The following PITPNA variants were observed in gnomAD, a reference collection of about 807,000 sequenced individuals.
PITPNA encodes the protein phosphatidylinositol transfer protein alpha, also known as phosphatidylinositol transfer protein alpha isoform.
PITPNA carries 13 observed loss-of-function variants against 50.3 expected under a neutral mutation model. The ratio of observed to expected loss-of-function variants is 0.26; its 90% CI spans 0.17 to 0.41. The LOEUF (loss-of-function observed/expected upper bound fraction) is 0.41. PITPNA is among the 10% of genes least tolerant of loss of function. PITPNA has a pLI of 1.00. For missense variants in PITPNA, 207 were observed against 333.4 expected (o/e 0.62, Z 2.95); for synonymous variants, 120 against 119.6 (o/e 1.00, Z -0.02).
chr17:1,546,381 A>T (rs994645912), intron 4 of PITPNA, among the ~76,000 whole-genome samples: 1 of 152,148 alleles, frequency 6.6e-6, no homozygotes, highest in Non-Finnish European at 1.5e-5. Context: ...AAATCTCCTG[A>T]TACAAGGTCC....
intron 1 of PITPNA, among the ~76,000 whole-genome samples, chr17:1,558,780 GC>G (rs1231466696): frequency 0.36 from 10,211 of 28,574 alleles, 1,028 homozygotes; most frequent in Non-Finnish European, 0.39. Context: ...CCCCCCCCCC[GC>G]CCCCCCCCCC....
chr17:1,557,372 G>A (rs1278867129), intron 2 of PITPNA, among the ~76,000 whole-genome samples: 1 of 152,208 alleles, frequency 6.6e-6, no homozygotes, highest in African/African-American at 2.4e-5. Flanking sequence ...AGTTCATATT[G>A]GGAACAGAGT....
intron 5 of PITPNA, 87 bp downstream of exon 5, chr17:1,542,933 A>G: frequency 9.9e-7 from 1 of 1,013,112 alleles, no homozygotes; most frequent in Non-Finnish European, 1.5e-6. Flanking sequence ...AAGGGAAAGA[A>G]CACCCAAGAC....
chr17:1,549,020 G>A (rs905661921), intron 3 of PITPNA, among the ~76,000 whole-genome samples: 3 of 152,136 alleles, frequency 2.0e-5, no homozygotes, highest in African/African-American at 4.8e-5. Context: ...CGATTCTCCC[G>A]CCTCAGCCTC....
chr17:1,548,552 C>T (rs1343303048), intron 3 of PITPNA, among the ~76,000 whole-genome samples, 165 bp from the exon 4 acceptor site: 1 of 152,116 alleles, frequency 6.6e-6, no homozygotes, highest in African/African-American at 2.4e-5. Flanking sequence ...TGACACCCCA[C>T]CTTGGCTGGC....
At chr17:1,539,565 G>A (rs558144466) in intron 6 of PITPNA, among the ~76,000 whole-genome samples, 17 of 149,902 alleles carry the variant, frequency 1.1e-4, no homozygotes, top group African/African-American at 2.7e-4. Flanking sequence ...TGATCCTCCC[G>A]TCTCAGCCTC....
Position 1,562,360 on chromosome 17 carries a change from G to T in PITPNA, c.20+181C>A, listed in dbSNP as rs989570232. Among the ~76,000 whole-genome samples, 6 of 149,154 alleles carry T rather than the reference G, an allele frequency of 4.0e-5. No individual in the cohort carries two copies. Among genetic ancestry groups the T allele is most frequent in the Admixed American group, 2.0e-4 (3 of 15,034 alleles). ...CCGGCCGCCCCTCCGTGCCCCGTGG[G>T]CCCCGCCTCACGTGCCGCCCGCCCC... is the stretch of plus-strand genomic sequence containing the variant. On this transcript the variant is annotated intron_variant, in intron 1 of 11. Coordinates refer to ENST00000313486, the MANE Select transcript of PITPNA (RefSeq NM_006224.4). This position sits in a 1 kb window ranked among gnomAD's most constrained non-coding sequence, Gnocchi z 6.4.
intron 3 of PITPNA, among the ~76,000 whole-genome samples, chr17:1,552,290 G>A (rs376346768): frequency 6.6e-5 from 10 of 152,334 alleles, no homozygotes; most frequent in African/African-American, 2.4e-4. Flanking sequence ...ACCTTTACCA[G>A]TTCTGGATAG....
At chr17:1,521,717 C>CAT in intron 10 of PITPNA, 72 bp from the exon 11 acceptor site, 1 of 1,288,216 alleles carries the variant, frequency 7.8e-7, no homozygotes, top group Non-Finnish European at 1.1e-6. Flanking sequence ...CAGTCCTGCC[C>CAT]ATAGGTGGGG....
At chr17:1,533,182 G>T (rs1374099091) in intron 10 of PITPNA, among the ~76,000 whole-genome samples, 1 of 152,240 alleles carries the variant, frequency 6.6e-6, no homozygotes, top group African/African-American at 2.4e-5. Context: ...ATGAAACAGA[G>T]CTTCCTGCCT....
intron 4 of PITPNA, among the ~76,000 whole-genome samples, chr17:1,544,279 CT>C (rs2075662217): frequency 6.6e-6 from 1 of 152,242 alleles, no homozygotes; most frequent in South Asian, 2.1e-4. Flanking sequence ...AAAGAATGCC[CT>C]GATCATCGAA....
chr17:1,538,391 T>G (rs1043352169), intron 7 of PITPNA: 4 of 155,962 alleles, frequency 2.6e-5, no homozygotes, highest in African/African-American at 7.2e-5. Context: ...TCTGCTCCAG[T>G]GTGTGTTACT....
intron 1 of PITPNA, among the ~76,000 whole-genome samples, chr17:1,560,243 C>G (rs973813734): frequency 6.6e-6 from 1 of 152,232 alleles, no homozygotes; most frequent in African/African-American, 2.4e-5. Flanking sequence ...AACAAAACCA[C>G]TTCGGCAGCA....
chr17:1,529,394 C>T (rs115376614), intron 10 of PITPNA, among the ~76,000 whole-genome samples: 6,359 of 150,858 alleles, frequency 0.042, 465 homozygotes, highest in African/African-American at 0.15. Context: ...TAGTGGCGGG[C>T]GCCTCTAGTC....
intron 6 of PITPNA, among the ~76,000 whole-genome samples, chr17:1,539,827 C>T (rs2075639458): frequency 1.3e-5 from 2 of 152,240 alleles, no homozygotes; most frequent in South Asian, 4.1e-4. Flanking sequence ...AACTCTGCCT[C>T]CCGGGTTCAA....
chr17:1,530,010 A>C (rs1250808479), intron 10 of PITPNA, among the ~76,000 whole-genome samples: 2 of 152,202 alleles, frequency 1.3e-5, no homozygotes, highest in Non-Finnish European at 2.9e-5. Flanking sequence ...GCCACAGTTT[A>C]TCTATAAAAT....
chr17:1,544,593 T>C (rs1428329148), intron 4 of PITPNA, among the ~76,000 whole-genome samples: 1 of 152,204 alleles, frequency 6.6e-6, no homozygotes, highest in Non-Finnish European at 1.5e-5. Flanking sequence ...GCAGGAAATC[T>C]TTTGCAGTGG....
At chr17:1,557,433 G>A (rs547453237) in intron 2 of PITPNA, among the ~76,000 whole-genome samples, 6 of 152,326 alleles carry the variant, frequency 3.9e-5, no homozygotes, top group Admixed American at 3.9e-4. Flanking sequence ...GAGAGACGGA[G>A]CCCAGTGACT....
chr17:1,546,173 C>A (rs1267804241), intron 4 of PITPNA, among the ~76,000 whole-genome samples: 1 of 152,068 alleles, frequency 6.6e-6, no homozygotes, highest in Non-Finnish European at 1.5e-5. Context: ...AAGTAATCCG[C>A]CTGCCTCAGC....
Sources: allele counts gnomAD v4.1 joint callset (sites outside exome capture counted in the v4.1 genomes callset), GRCh38; gene constraint gnomAD v4.1.1; non-coding constraint Gnocchi (gnomAD v3.1); transcripts MANE v1.5; gene names NCBI Gene and HGNC (gene_info 2026-07-23, HGNC 2026-07-21).